The following ACIN1 variants were observed in gnomAD, a reference collection of about 807,000 sequenced individuals.
ACIN1 encodes apoptotic chromatin condensation inducer 1.
ACIN1 carries 16 observed loss-of-function variants against 146.6 expected under a neutral mutation model. That is an observed-to-expected ratio of 0.11 (90% CI 0.07 to 0.17). The LOEUF (loss-of-function observed/expected upper bound fraction) is 0.17. Ranked by LOEUF, ACIN1 falls within the 10% of genes least tolerant of loss-of-function variation. The probability of loss-of-function intolerance (pLI) is 1.00; values close to 1 mark genes in which losing one functional copy is unlikely to be tolerated. For synonymous variants in ACIN1, 569 were observed against 582.7 expected (o/e 0.98, Z 0.34); for missense variants, 1,357 against 1,609.3 (o/e 0.84, Z 2.68).
chr14:23,062,701 G>T (rs1324503876), intron 14 of ACIN1, 178 bp from the exon 15 acceptor site: 5 of 742,992 alleles, frequency 6.7e-6, no homozygotes, highest in Non-Finnish European at 1.1e-5. Context: ...CACTAATTGA[G>T]ACGTTGTATG....
In ACIN1 at chr14:23,080,333, C is replaced by A. The variant is rs2047911331; in HGVS notation, c.1002G>T (p.Leu334=). 1 of 1,614,074 alleles carries A rather than the reference C, an allele frequency of 6.2e-7. No individual in the cohort carries two copies. The highest frequency in any genetic ancestry group is 1.3e-5 in the African/African-American group (1 of 74,942). ...EKSKSPSPPR[L]TEDRKKASLV... ...GTGAGGCCTTCTTTCGATCTTCAGT[C>A]AGTCGAGGAGGGGAAGGAGACTTCG... The change falls in exon 6 of 19, where the codon CTG becomes CTT. Residue 334 remains leucine (L), a synonymous_variant. Transcript: ENST00000605057.
chr14:23,080,228 T>C lies in ACIN1; in HGVS notation c.1107A>G (p.Pro369=). Residue 369 remains proline, a synonymous_variant, in exon 6 of 19, where the codon CCA becomes CCG. Transcript: ENST00000605057. ...PLLTKEASSP[P]PHPQLHSEEE... ...CTTCGCTATGGAGCTGTGGATGAGGTGGTGGAGAAGATGCTTCCTTTGTTA... is the reference window on the plus strand; with the variant it reads ...CTTCGCTATGGAGCTGTGGATGAGGCGGTGGAGAAGATGCTTCCTTTGTTA... 1 of 1,614,064 alleles carries C rather than the reference T, an allele frequency of 6.2e-7. No individual in the cohort carries two copies. Among genetic ancestry groups the C allele is most frequent in the Middle Eastern group, 1.7e-4 (1 of 6,058 alleles).
chr14:23,087,666 T>C (rs1266979481), intron 4 of ACIN1, among the ~76,000 whole-genome samples: 2 of 152,004 alleles, frequency 1.3e-5, no homozygotes, highest in African/African-American at 4.8e-5. Context: ...ATCATGGTCC[T>C]ATTAAGAATT....
In ACIN1 at chr14:23,076,742, G is replaced by T. The variant is rs1167993446; in HGVS notation, c.2123+1409C>A. On this transcript the variant is annotated intron_variant, in intron 8 of 18. Coordinates refer to ENST00000605057, the MANE Select transcript of ACIN1 (RefSeq NM_001386863.1). ...GCCATTTCACAAAGGACATGCTTTT[G>T]TAAAATGGAATGTAAAATGTACCTC... is the stretch of plus-strand genomic sequence containing the variant. Among the ~76,000 whole-genome samples, 6 of 152,260 alleles carry T rather than the reference G, an allele frequency of 3.9e-5. No individual in the cohort carries two copies. In the South Asian group the frequency reaches 1.2e-3, roughly 32 times the overall value.
At chr14:23,071,739 G>C in intron 8 of ACIN1, 1 of 593,052 alleles carries the variant, frequency 1.7e-6, no homozygotes, top group East Asian at 3.1e-5. Context: ...AGCTACAGAG[G>C]CTTAACCCCC....
chr14:23,085,738 T>C (rs941914271), intron 4 of ACIN1, among the ~76,000 whole-genome samples: 1 of 152,166 alleles, frequency 6.6e-6, no homozygotes, highest in African/African-American at 2.4e-5. Flanking sequence ...CTGAAAAAGG[T>C]GATATCTTCT....
At chr14:23,066,514 A>T (rs984168843) in intron 9 of ACIN1, 2 of 154,710 alleles carry the variant, frequency 1.3e-5, no homozygotes, top group African/African-American at 4.8e-5. Context: ...TTCAATGGCC[A>T]GACTGATGCC....
chr14:23,085,118 C>T (rs1023715824), intron 4 of ACIN1, among the ~76,000 whole-genome samples: 10 of 151,520 alleles, frequency 6.6e-5, no homozygotes, highest in Non-Finnish European at 1.3e-4. Flanking sequence ...CCGAGGTGGG[C>T]GATCACGAGG....
At chr14:23,066,122 TGAGAGA>T in intron 9 of ACIN1, 114 bp from the exon 10 acceptor site, 1 of 759,798 alleles carries the variant, frequency 1.3e-6, no homozygotes, top group African/African-American at 1.9e-5. Context: ...ACAGATAGAG[TGAGAGA>T]GAGAGACAGA....
In ACIN1 at chr14:23,066,026, A is replaced by G. The variant is rs755103286; in HGVS notation, c.2266-18T>C. 1 of 1,611,520 alleles carries G rather than the reference A, an allele frequency of 6.2e-7. No homozygotes were observed. The highest frequency in any genetic ancestry group is 8.5e-7 in the Non-Finnish European group (1 of 1,177,970). On this transcript the variant is annotated intron_variant, in intron 9 of 18. Coordinates refer to ENST00000605057, the MANE Select transcript of ACIN1 (RefSeq NM_001386863.1). ...AGCGAGCTCTGTATGAAGAAGAAAA[A>G]GGGGAAAAAAAAGAGAAAGAGAGAC...
intron 8 of ACIN1, among the ~76,000 whole-genome samples, chr14:23,077,055 G>T (rs986232138): frequency 6.6e-6 from 1 of 152,196 alleles, no homozygotes; most frequent in Non-Finnish European, 1.5e-5. Context: ...AAGACTGTCA[G>T]AATCGACAAG....
intron 4 of ACIN1, among the ~76,000 whole-genome samples, chr14:23,084,989 C>G (rs1197893382): frequency 6.6e-6 from 1 of 151,918 alleles, no homozygotes; most frequent in African/African-American, 2.4e-5. Flanking sequence ...GTGAAAGAAG[C>G]TGATTTATCT....
At position 23,090,555 on chromosome 14, in the gene ACIN1, C is replaced by G. The variant is rs377163916; in HGVS notation, c.283G>C (p.Glu95Gln). Residue 95 changes from glutamate (E) to glutamine (Q), a missense_variant, in exon 3 of 19, where the codon GAA (glutamate) becomes CAA (glutamine). By Grantham distance (29) the Glu-to-Gln change is conservative. This residue lies in a region of ACIN1 where 55 missense variants were observed against 123.9 expected (regional missense o/e 0.44). Coordinates refer to ENST00000605057, the MANE Select transcript of ACIN1 (RefSeq NM_001386863.1). ...KQQELLRQRL[E>Q]REAREAAELE... ...TCTGCAGCTTCTCGAGCTTCACGTT[C>G]CAGACGCTGCCTAAGTAGCTCCTGC... The G allele has an allele frequency of 6.2e-7, 1 of 1,614,072 alleles. No homozygotes were observed. The highest frequency in any genetic ancestry group is 1.7e-5 in the Admixed American group (1 of 60,026).
At chr14:23,062,824 T>G in intron 14 of ACIN1, 105 bp downstream of exon 14, 2 of 1,285,578 alleles carry the variant, frequency 1.6e-6, no homozygotes, top group Non-Finnish European at 2.2e-6. Flanking sequence ...AGTAACTTAA[T>G]CTATTGGTAG....
intron 8 of ACIN1, chr14:23,077,930 C>G (rs2047841657): frequency 2.8e-6 from 1 of 362,438 alleles, no homozygotes; most frequent in Non-Finnish European, 5.0e-6. Flanking sequence ...GCTGGATGAT[C>G]CCAGGTGAGT....
rs185133448 is a variant in ACIN1, at chr14:23,073,795, C to T, written c.2124-4178G>A. ...AATACTCTCAGCTGCTAATATGCCT[C>T]TGCAGAAGTGGCTGATTTTGAGAAA... On this transcript the variant is annotated intron_variant, in intron 8 of 18. Transcript: ENST00000605057. Among the ~76,000 whole-genome samples the T allele has an allele frequency of 9.2e-5, 14 of 152,110 alleles. No individual in the cohort carries two copies. The East Asian group carries it at 2.7e-3, about 29-fold the overall frequency.
At chr14:23,085,248 C>A (rs143798599) in intron 4 of ACIN1, among the ~76,000 whole-genome samples, 26 of 151,886 alleles carry the variant, frequency 1.7e-4, no homozygotes, top group Non-Finnish European at 3.5e-4. Flanking sequence ...GGCAGGAGAA[C>A]GGCGTGAACC....
chr14:23,070,447 T>C (rs551102565), intron 8 of ACIN1, among the ~76,000 whole-genome samples: 11 of 151,940 alleles, frequency 7.2e-5, no homozygotes, highest in Non-Finnish European at 1.5e-4. Flanking sequence ...GCAGGCCTCC[T>C]AGTCAGGACA....
At chr14:23,077,230 A>G (rs1207950953) in intron 8 of ACIN1, among the ~76,000 whole-genome samples, 1 of 152,244 alleles carries the variant, frequency 6.6e-6, no homozygotes, top group Admixed American at 6.5e-5. Flanking sequence ...AAGAGTATAA[A>G]TTATTAGACA....
Sources: allele counts gnomAD v4.1 joint callset (sites outside exome capture counted in the v4.1 genomes callset), GRCh38; gene constraint gnomAD v4.1.1; regional missense constraint gnomAD v4.1.1; transcripts MANE v1.5; gene names NCBI Gene and HGNC (gene_info 2026-07-23, HGNC 2026-07-21).